Variants in RHD observed in about 807,000 individuals in gnomAD.
The protein encoded by RHD is Rh blood group D antigen.
Under a neutral mutation model 45.5 loss-of-function variants are expected in RHD, and 16 were observed. The observed-to-expected ratio is 0.35, with a 90% confidence interval of 0.24 to 0.53. The LOEUF is 0.53. Among genes scored for constraint, RHD ranks in the 20% least tolerant of loss-of-function variants. RHD has a pLI of 0.92. For missense variants in RHD, 306 were observed against 532.0 expected, an observed-to-expected ratio of 0.58 and a Z score of 4.18; for synonymous variants, 131 against 217.5, an observed-to-expected ratio of 0.60 and a Z score of 3.50.
At chr1:25,284,231 G>A (rs1193820815) in intron 1 of RHD, among the ~76,000 whole-genome samples, 1 of 136,124 alleles carries the variant, frequency 7.3e-6, no homozygotes, top group African/African-American at 2.5e-5. Flanking sequence ...GAGTGTCCAT[G>A]TGCGTCAAGC....
At chr1:25,307,652 T>C (rs2427766) in intron 7 of RHD, 195,089 of 1,232,146 alleles carry the variant, frequency 0.16, 53,675 homozygotes, top group South Asian at 0.29. Flanking sequence ...CCAAGGTCAC[T>C]CGGCTGGAAC....
At chr1:25,305,318 TC>T (rs1643714678) in intron 6 of RHD, among the ~76,000 whole-genome samples, 1 of 132,136 alleles carries the variant, frequency 7.6e-6, no homozygotes, top group Admixed American at 7.3e-5. Context: ...TGGACCCAGA[TC>T]CCTGAAAGAT....
chr1:25,276,549 A>G (rs1399725607), intron 1 of RHD, among the ~76,000 whole-genome samples: 4 of 125,368 alleles, frequency 3.2e-5, no homozygotes, highest in Non-Finnish European at 7.4e-5. Flanking sequence ...AAAAAAAAAA[A>G]AAAAAACTTT....
rs1192058305 is a variant in RHD, at chr1:25,315,418, G to A, written c.1074-1582G>A. Among the ~76,000 whole-genome samples, 3 of 129,340 alleles carry A rather than the reference G, an allele frequency of 2.3e-5. 1 individual carries two copies. Among genetic ancestry groups the A allele is most frequent in the Non-Finnish European group, 5.4e-5 (3 of 55,068 alleles). 84.9% of individuals were successfully genotyped at this position (129,340 alleles called of 152,430 possible). A position where few individuals can be genotyped will look rare whatever the true frequency, so the allele number is the denominator to read the frequency against. On this transcript the variant is annotated intron_variant, in intron 7 of 9. Coordinates refer to ENST00000328664, the MANE Select transcript of RHD (RefSeq NM_016124.6). ...GGCTGCCTGAATGGTTGGGCAGGTAGTTGTTGACATCTGCACTCCCTACAT... is the reference window on the plus strand; with the variant it reads ...GGCTGCCTGAATGGTTGGGCAGGTAATTGTTGACATCTGCACTCCCTACAT...
At position 25,309,341 on chromosome 1, in the gene RHD, C is replaced by T. The variant is rs1343945201; in HGVS notation, c.1073+2612C>T. Among the ~76,000 whole-genome samples, 3 of 130,814 alleles carry T rather than the reference C, an allele frequency of 2.3e-5. 1 individual carries two copies. The highest frequency in any genetic ancestry group is 4.7e-4 in the South Asian group (2 of 4,292). 85.8% of individuals were successfully genotyped at this position (130,814 alleles called of 152,430 possible). A position where few individuals can be genotyped will look rare whatever the true frequency, so the allele number is the denominator to read the frequency against. On this transcript the variant is annotated intron_variant, in intron 7 of 9. Transcript: ENST00000328664. ...TTACGTCAGGGAGAAAAGAAAGTCC[C>T]CACTTGGCCTGAGAATCTCTGCACC...
intron 7 of RHD, among the ~76,000 whole-genome samples, chr1:25,308,787 A>G (rs1359043099): frequency 7.7e-6 from 1 of 129,366 alleles, no homozygotes; most frequent in African/African-American, 2.7e-5. Context: ...AGTGACAGTG[A>G]TGATCTCTCT....
At position 25,292,173 on chromosome 1, in the gene RHD, C is replaced by CA. The variant is rs1360772206; in HGVS notation, c.486+1390dup. Among the ~76,000 whole-genome samples, 6 of 131,374 alleles carry CA rather than the reference C, an allele frequency of 4.6e-5. 1 individual carries two copies. Among genetic ancestry groups the CA allele is most frequent in the South Asian group, 4.6e-4 (2 of 4,344 alleles). 86.2% of individuals were successfully genotyped at this position (131,374 alleles called of 152,430 possible). The stretch of plus-strand genomic sequence containing the variant: ...AATCACATGAGATGATGCATGTTTA[C>CA]AAAAAAAAGCATGAAGCCCCTTTAC... On this transcript the variant is annotated intron_variant, in intron 3 of 9. Coordinates refer to ENST00000328664, the MANE Select transcript of RHD (RefSeq NM_016124.6).
chr1:25,283,409 T>A lies in RHD; in HGVS notation c.149-1164T>A, dbSNP rs1183016341. 3.1e-5 allele frequency among the ~76,000 whole-genome samples: 4 copies of A among 130,870 alleles called. 1 individual carries two copies. Among genetic ancestry groups the A allele is most frequent in the African/African-American group, 1.0e-4 (4 of 38,252 alleles). 85.9% of individuals were successfully genotyped at this position (130,870 alleles called of 152,430 possible). ...AGCCGGGCACGGTGGCAGGCACCTG[T>A]AATCCCAGCTACTTGGGAGGCTGAG... is the stretch of plus-strand genomic sequence containing the variant. On this transcript the variant is annotated intron_variant, in intron 1 of 9. Coordinates refer to ENST00000328664, the MANE Select transcript of RHD (RefSeq NM_016124.6).
chr1:25,301,553 TC>T lies in RHD; in HGVS notation c.669del (p.Phe223LeufsTer6), dbSNP rs1330028378. Reference sequence around the variant, plus strand: ...TTCTTGTGGATGTTCTGGCCAAGTTTCAACTCTGCTCTGCTGAGAAGTCCAA... The same window carrying T: ...TTCTTGTGGATGTTCTGGCCAAGTTTAACTCTGCTCTGCTGAGAAGTCCAA... ...ALFLWMFWPS[F>X]NSALLRSPIE... On this transcript the variant is annotated frameshift_variant, in exon 5 of 10. Coordinates refer to ENST00000328664, the MANE Select transcript of RHD (RefSeq NM_016124.6). LOFTEE classifies it high-confidence loss of function. 6 of 1,379,210 alleles carry T rather than the reference TC, an allele frequency of 4.4e-6. 1 individual carries two copies. The African/African-American group carries it at 5.7e-5, about 13-fold the overall frequency. The allele number at this position is 1,379,210 out of a possible 1,614,324, so 85.4% of individuals were successfully genotyped here. A position where few individuals can be genotyped will look rare whatever the true frequency, so the allele number is the denominator to read the frequency against.
At chr1:25,313,683 G>C (rs1461333078) in intron 7 of RHD, among the ~76,000 whole-genome samples, 1 of 132,440 alleles carries the variant, frequency 7.6e-6, no homozygotes, top group Non-Finnish European at 1.8e-5. Context: ...CAGAAAGAGA[G>C]GGGGAACTGG....
chr1:25,287,601 CA>C (rs1642144764), intron 2 of RHD, among the ~76,000 whole-genome samples: 1 of 135,392 alleles, frequency 7.4e-6, no homozygotes, highest in African/African-American at 2.5e-5. Flanking sequence ...TGAGTCCCTT[CA>C]GGGGAGGGGC....
chr1:25,319,392 A>G (rs530070597), intron 8 of RHD, among the ~76,000 whole-genome samples: 1 of 132,118 alleles, frequency 7.6e-6, no homozygotes, highest in African/African-American at 2.6e-5. Flanking sequence ...GAGGTGGGAG[A>G]ATAGCTTGAG....
chr1:25,284,853 T>C, intron 2 of RHD, 94 bp downstream of exon 2: 2 of 1,191,868 alleles, frequency 1.7e-6, no homozygotes, highest in Non-Finnish European at 1.2e-6. Context: ...GCCCCCTCTC[T>C]GTCTAGCACC....
rs1571641631 is a variant in RHD, at chr1:25,294,761, G to A, written c.486+3970G>A. 6.9e-6 allele frequency: 3 copies of A among 435,658 alleles called. 1 individual carries two copies. The highest frequency in any genetic ancestry group is 1.3e-5 in the Non-Finnish European group (3 of 226,482). 27.0% of individuals were successfully genotyped at this position (435,658 alleles called of 1,614,324 possible). ...GTCTCCTGCAGGGAGAGGAGAAAAT[G>A]CCTTACTAATTCCTTGTATTTTCTC... is the stretch of plus-strand genomic sequence containing the variant. On this transcript the variant is annotated intron_variant, in intron 3 of 9. Coordinates refer to ENST00000328664, the MANE Select transcript of RHD (RefSeq NM_016124.6).
chr1:25,286,677 T>A (rs1275376599), intron 2 of RHD, among the ~76,000 whole-genome samples: 1 of 133,474 alleles, frequency 7.5e-6, no homozygotes, highest in African/African-American at 2.6e-5. Context: ...TCCCAGCCAC[T>A]CGGGAGGCTG....
rs1222799811 is a variant in RHD, at chr1:25,275,329, C to T, written c.148+2634C>T. Reference sequence around the variant, plus strand: ...TAAATAAAAATAAAGAGGGAAGCAGCGGGTGGCAGACTCACTGGGCTGCAT... The same window carrying T: ...TAAATAAAAATAAAGAGGGAAGCAGTGGGTGGCAGACTCACTGGGCTGCAT... On this transcript the variant is annotated intron_variant, in intron 1 of 9. Coordinates refer to ENST00000328664, the MANE Select transcript of RHD (RefSeq NM_016124.6). Among the ~76,000 whole-genome samples the T allele has an allele frequency of 1.5e-5, 2 of 131,548 alleles. 1 individual carries two copies. The highest frequency in any genetic ancestry group is 5.2e-5 in the African/African-American group (2 of 38,634). The allele number at this position is 131,548 out of a possible 152,430, so 86.3% of individuals were successfully genotyped here. A position where few individuals can be genotyped will look rare whatever the true frequency, so the allele number is the denominator to read the frequency against.
rs145991968 is a variant in RHD at position 25,313,190 on chromosome 1, A to C, written c.1074-3810A>C. 1.8e-3 allele frequency among the ~76,000 whole-genome samples: 234 copies of C among 129,652 alleles called. 16 individuals are homozygous for C. In the East Asian group the frequency reaches 0.04, roughly 22 times the overall value. 85.1% of individuals were successfully genotyped at this position (129,652 alleles called of 152,430 possible). The stretch of plus-strand genomic sequence containing the variant: ...TGGTGGCTTACAAGAGGAAGAGAGA[A>C]CTGAGCTGACATGCTCTTGCCCTCT... On this transcript the variant is annotated intron_variant, in intron 7 of 9. Transcript: ENST00000328664.
At position 25,298,444 on chromosome 1, in the gene RHD, TG is replaced by T. The variant is rs1643116384; in HGVS notation, c.487-2499del. Among the ~76,000 whole-genome samples the T allele has an allele frequency of 3.1e-5, 4 of 127,848 alleles. 1 individual carries two copies. In the South Asian group the frequency reaches 1.0e-3, roughly 32 times the overall value. The allele number at this position is 127,848 out of a possible 152,430, so 83.9% of individuals were successfully genotyped here. A position where few individuals can be genotyped will look rare whatever the true frequency, so the allele number is the denominator to read the frequency against. On this transcript the variant is annotated intron_variant, in intron 3 of 9. Transcript: ENST00000328664. ...TTTTCCTCAAAACTTCAATTCAGCCTGGGTTTCTTCAGCAGGAGGGCCCGGG... is the reference window on the plus strand; with the variant it reads ...TTTTCCTCAAAACTTCAATTCAGCCTGGTTTCTTCAGCAGGAGGGCCCGGG...
At chr1:25,299,072 TAAAAAAAAAAAAAA>T (rs34867414) in intron 3 of RHD, among the ~76,000 whole-genome samples, 2 of 40,876 alleles carry the variant, frequency 4.9e-5, no homozygotes, top group Admixed American at 2.6e-4. Flanking sequence ...CACATGGTGA[TAAAAAAAAAAAAAA>T]AAAAAAAAAA....
Sources: allele counts gnomAD v4.1 joint callset (sites outside exome capture counted in the v4.1 genomes callset), GRCh38; gene constraint gnomAD v4.1.1; transcripts MANE v1.5; gene names NCBI Gene and HGNC (gene_info 2026-07-23, HGNC 2026-07-21).